Variants in FARS2 observed in about 807,000 individuals in gnomAD.
FARS2 encodes the protein phenylalanyl-tRNA synthetase 2, mitochondrial, also known as phenylalanine--tRNA ligase, mitochondrial.
Under a neutral mutation model 46.4 loss-of-function variants are expected in FARS2, and 40 were observed. The ratio of observed to expected loss-of-function variants is 0.86; its 90% CI spans 0.67 to 1.12. The LOEUF (loss-of-function observed/expected upper bound fraction) is 1.12, where lower values mean the gene tolerates loss of function less well. Ranked by LOEUF, FARS2 falls within the 50% of genes most tolerant of loss-of-function variation. The pLI is 0.00. For missense variants in FARS2, 513 were observed against 567.9 expected (o/e 0.90, Z 0.98); for synonymous variants, 234 against 214.9 (o/e 1.09, Z -0.78).
intron 3 of FARS2, 107 bp from the exon 4 acceptor site, chr6:5,430,934 A>T: frequency 9.2e-7 from 1 of 1,092,028 alleles, no homozygotes; most frequent in Non-Finnish European, 1.3e-6. Context: ...TATTTATTTT[A>T]CTCAGAATGT....
intron 1 of FARS2, chr6:5,291,317 A>C (rs1033123131): frequency 1.3e-5 from 2 of 152,158 alleles, no homozygotes; most frequent in African/African-American, 4.8e-5. Context: ...TAGGATGCTG[A>C]TTTTGAATAA....
chr6:5,537,576 AGTTGGAGATGTCCCGGGCTTCCTC>A (rs1182445913), intron 4 of FARS2, among the ~76,000 whole-genome samples: 13 of 140,772 alleles, frequency 9.2e-5, no homozygotes, highest in African/African-American at 3.6e-4. Flanking sequence ...CTTCCTCTCG[AGTTGGAGATGTCCCGGGCTTCCTC>A]TCGAGTTGGA....
intron 4 of FARS2, among the ~76,000 whole-genome samples, chr6:5,479,979 T>G (rs1582225540): frequency 6.6e-6 from 1 of 152,238 alleles, no homozygotes; most frequent in East Asian, 1.9e-4. Context: ...CTGTCATGTC[T>G]GTGTCTGCAC....
At chr6:5,648,443 G>A (rs1044194193) in intron 6 of FARS2, among the ~76,000 whole-genome samples, 13 of 152,166 alleles carry the variant, frequency 8.5e-5, no homozygotes, top group Non-Finnish European at 1.8e-4. Flanking sequence ...CTGCATGTCA[G>A]GGTTCTCTGC....
At chr6:5,465,260 T>C (rs531650500) in intron 4 of FARS2, among the ~76,000 whole-genome samples, 2 of 152,342 alleles carry the variant, frequency 1.3e-5, no homozygotes, top group South Asian at 4.1e-4. Flanking sequence ...ACTTGTGCTC[T>C]TCATCTTCAG....
At chr6:5,366,312 C>T (rs759422801) in intron 1 of FARS2, among the ~76,000 whole-genome samples, 4 of 152,102 alleles carry the variant, frequency 2.6e-5, no homozygotes, top group Non-Finnish European at 4.4e-5. Context: ...GTATGAATGT[C>T]GTTGGTCTTA....
chr6:5,618,344 C>G (rs896143457), intron 6 of FARS2, among the ~76,000 whole-genome samples: 3 of 152,162 alleles, frequency 2.0e-5, no homozygotes, highest in Non-Finnish European at 4.4e-5. Context: ...TGAATGGTCT[C>G]CTGACCTTGA....
intron 3 of FARS2, among the ~76,000 whole-genome samples, chr6:5,420,631 A>G (rs1339426658): frequency 6.6e-6 from 1 of 152,204 alleles, no homozygotes; most frequent in East Asian, 1.9e-4. Context: ...TCTCACATAC[A>G]GGTCCTGCTG....
chr6:5,288,583 T>C (rs756545156), intron 1 of FARS2, among the ~76,000 whole-genome samples: 12 of 152,208 alleles, frequency 7.9e-5, no homozygotes, highest in Non-Finnish European at 1.8e-4. Context: ...TCTGTGGTTT[T>C]GAATATATGT....
rs1760316269 is a variant in FARS2 at position 5,727,101 on chromosome 6, T to C, written c.1218-44190T>C. ...AATGCCTCTGCAGTACCTACCTTCC[T>C]CACCGGGCTGTTACTGGTAGGAAAA... On this transcript the variant is annotated intron_variant, in intron 6 of 6. Transcript: ENST00000274680. The surrounding 1 kb of genome is among the most constrained non-coding windows in gnomAD (Gnocchi z 4.1). Among the ~76,000 whole-genome samples, 1 of 152,188 alleles carries C rather than the reference T, an allele frequency of 6.6e-6. No individual in the cohort carries two copies. The highest frequency in any genetic ancestry group is 2.1e-4 in the South Asian group (1 of 4,830).
At chr6:5,297,877 T>C (rs138663146) in intron 1 of FARS2, among the ~76,000 whole-genome samples, 38 of 152,356 alleles carry the variant, frequency 2.5e-4, no homozygotes, top group African/African-American at 9.1e-4. Context: ...AAAGCAAATA[T>C]GCGTTGGTTC....
chr6:5,565,890 T>C (rs998757577), intron 5 of FARS2, among the ~76,000 whole-genome samples: 35 of 152,128 alleles, frequency 2.3e-4, no homozygotes, highest in African/African-American at 8.2e-4. Context: ...GACATGAAAA[T>C]TTTGTGCAAA....
intron 1 of FARS2, among the ~76,000 whole-genome samples, chr6:5,352,932 CCTT>C (rs1396890947): frequency 2.6e-5 from 4 of 152,158 alleles, no homozygotes; most frequent in East Asian, 3.9e-4. Context: ...CTTCAAAATC[CCTT>C]CTTCTAGATA....
intron 1 of FARS2, among the ~76,000 whole-genome samples, chr6:5,333,953 T>C (rs1770976250): frequency 6.6e-6 from 1 of 152,224 alleles, no homozygotes; most frequent in African/African-American, 2.4e-5. Flanking sequence ...ATCCTCTACA[T>C]GTGCTGTTCT....
chr6:5,387,509 A>G (rs550301597), intron 2 of FARS2, among the ~76,000 whole-genome samples: 4 of 152,332 alleles, frequency 2.6e-5, no homozygotes, highest in African/African-American at 9.6e-5. Flanking sequence ...GTAGCGTGGG[A>G]GGGATAGACA....
intron 6 of FARS2, among the ~76,000 whole-genome samples, chr6:5,639,359 C>T (rs1431574594): frequency 6.6e-6 from 1 of 152,180 alleles, no homozygotes; most frequent in Non-Finnish European, 1.5e-5. Flanking sequence ...TAACCAGAAG[C>T]CATATTGTTC....
chr6:5,257,233 C>T (rs1764720207), upstream of FARS2, among the ~76,000 whole-genome samples: 1 of 152,140 alleles, frequency 6.6e-6, no homozygotes, highest in Non-Finnish European at 1.5e-5. Context: ...TCTCCAACCT[C>T]AGTGCCTTCC....
intron 1 of FARS2, among the ~76,000 whole-genome samples, chr6:5,306,768 T>G (rs9405819): frequency 6.6e-6 from 1 of 151,866 alleles, no homozygotes; most frequent in Admixed American, 6.5e-5. Context: ...AGCTCCATAC[T>G]GTCTTCTGTA....
chr6:5,385,816 C>A (rs1760093840), intron 2 of FARS2, among the ~76,000 whole-genome samples: 2 of 152,100 alleles, frequency 1.3e-5, no homozygotes, highest in South Asian at 2.1e-4. Flanking sequence ...AAGCAGTAGA[C>A]CTGCCAAGTA....
Sources: gnomAD v4.1 joint callset for allele counts (sites outside exome capture counted in the v4.1 genomes callset) on GRCh38, gnomAD v4.1.1 for gene constraint, Gnocchi (gnomAD v3.1) non-coding constraint, MANE v1.5 for transcripts, NCBI Gene and HGNC (gene_info 2026-07-23, HGNC 2026-07-21) for gene names.